Variants in ATP8B1 observed in about 807,000 individuals in gnomAD.
ATP8B1 encodes the protein ATPase phospholipid transporting 8B1, also known as phospholipid-transporting ATPase IC.
Under a neutral mutation model 149.9 loss-of-function variants are expected in ATP8B1, and 80 were observed. The observed-to-expected ratio is 0.53, with a 90% CI of 0.45 to 0.64. The LOEUF is 0.64. ATP8B1 is among the 30% of genes least tolerant of loss of function. The pLI is 0.00. For synonymous variants in ATP8B1, 536 were observed against 562.8 expected, an observed-to-expected ratio of 0.95 and a Z score of 0.67; for missense variants, 1,247 against 1,552.6, an observed-to-expected ratio of 0.80 and a Z score of 3.31.
At chr18:57,687,815 C>G (rs1046554651) in intron 13 of ATP8B1, among the ~76,000 whole-genome samples, 1 of 119,884 alleles carries the variant, frequency 8.3e-6, no homozygotes, top group East Asian at 2.7e-4. Context: ...GAGTCTTGCT[C>G]TCTCACCAGG....
At chr18:57,767,287 G>A (rs1311805101) in intron 1 of ATP8B1, among the ~76,000 whole-genome samples, 2 of 152,144 alleles carry the variant, frequency 1.3e-5, no homozygotes, top group Admixed American at 6.5e-5. Context: ...TCTAATTCTC[G>A]CATCATCTCA....
rs188973406 is a variant in ATP8B1, at chr18:57,670,586, G to A, written c.1932+882C>T. On this transcript the variant is annotated intron_variant, in intron 17 of 27. Transcript: ENST00000648908. ...AGGATGGTCTCGATCTGTTAACCTC[G>A]TGATCTGCCACCTCACCCTCCCAAA... Among the ~76,000 whole-genome samples the A allele has an allele frequency of 1.1e-3, 162 of 151,396 alleles. 2 individuals carry two copies. Among genetic ancestry groups the A allele is most frequent in the South Asian group, 2.3e-3 (11 of 4,762 alleles).
chr18:57,772,828 A>G (rs2080274738), intron 1 of ATP8B1, among the ~76,000 whole-genome samples: 1 of 152,152 alleles, frequency 6.6e-6, no homozygotes, highest in South Asian at 2.1e-4. Context: ...GGAAGAAGTG[A>G]GTTGGTTCCT....
intron 22 of ATP8B1, among the ~76,000 whole-genome samples, chr18:57,659,006 T>C (rs913465749): frequency 2.0e-5 from 3 of 152,172 alleles, no homozygotes; most frequent in African/African-American, 7.2e-5. Context: ...CCAGGTGAGG[T>C]GGCTCATGCC....
In ATP8B1 at chr18:57,668,448, C is replaced by T; in HGVS notation, c.2190G>A (p.Val730=). ...KLAKADIKIW[V]LTGDKKETAE... is the part of the protein sequence containing the mutation. ...AATTACCCTTTTTGTCTCCAGTAAGCACCCAGATCTTAATGTCAGCTTTTG... is the reference window on the plus strand; with the variant it reads ...AATTACCCTTTTTGTCTCCAGTAAGTACCCAGATCTTAATGTCAGCTTTTG... Residue 730 remains valine, a synonymous_variant, in exon 19 of 28, where the codon GTG becomes GTA. Coordinates refer to ENST00000648908, the MANE Select transcript of ATP8B1 (RefSeq NM_001374385.1). 6.2e-7 allele frequency: 1 copy of T among 1,608,890 alleles called. No individual in the cohort carries two copies. Among genetic ancestry groups the T allele is most frequent in the Non-Finnish European group, 8.5e-7 (1 of 1,176,498 alleles).
intron 1 of ATP8B1, among the ~76,000 whole-genome samples, chr18:57,797,649 G>A (rs1052203095): frequency 5.3e-5 from 8 of 151,412 alleles, no homozygotes; most frequent in African/African-American, 1.9e-4. Context: ...CATGCAAAGA[G>A]GGACAAGGTC....
chr18:57,716,730 T>C (rs1181093018), intron 2 of ATP8B1, among the ~76,000 whole-genome samples: 2 of 152,168 alleles, frequency 1.3e-5, no homozygotes, highest in Admixed American at 1.3e-4. Context: ...AGTAAAATAA[T>C]AGCTGGAGAC....
chr18:57,759,645 T>C (rs553688705), intron 1 of ATP8B1, among the ~76,000 whole-genome samples: 1 of 150,572 alleles, frequency 6.6e-6, no homozygotes, highest in East Asian at 2.0e-4. Flanking sequence ...CCATCTCTAC[T>C]AAAAATAAAA....
intron 1 of ATP8B1, among the ~76,000 whole-genome samples, chr18:57,761,122 A>T (rs1002145273): frequency 6.1e-5 from 3 of 48,926 alleles, no homozygotes; most frequent in African/African-American, 1.8e-4. Context: ...TATAAAATAA[A>T]ATAAAATAAA....
chr18:57,699,364 C>A (rs950455648), intron 6 of ATP8B1, among the ~76,000 whole-genome samples: 2 of 152,136 alleles, frequency 1.3e-5, no homozygotes, highest in Admixed American at 1.3e-4. Context: ...ATTTACAATT[C>A]TAGGATTAGG....
At position 57,672,925 on chromosome 18, in the gene ATP8B1, TATATATAA is replaced by T. The variant is rs1176382210; in HGVS notation, c.1820-1353_1820-1346del. On this transcript the variant is annotated intron_variant, in intron 16 of 27. Transcript: ENST00000648908. ...ATATATATATATATATATATATATA[TATATATAA>T]CATGTATATACACATATATACATAC... 5.7e-3 allele frequency among the ~76,000 whole-genome samples: 263 copies of T among 46,048 alleles called. 11 individuals are homozygous for T. The highest frequency in any genetic ancestry group is 0.016 in the African/African-American group (150 of 9,224). 30.2% of individuals were successfully genotyped at this position (46,048 alleles called of 152,430 possible). A position where few individuals can be genotyped will look rare whatever the true frequency, so the allele number is the denominator to read the frequency against.
intron 8 of ATP8B1, among the ~76,000 whole-genome samples, chr18:57,695,753 G>A (rs529813456): frequency 5.3e-5 from 8 of 152,270 alleles, no homozygotes; most frequent in African/African-American, 1.9e-4. Flanking sequence ...TCCCTTCACT[G>A]TTTGTTGTTG....
chr18:57,800,510 T>A (rs35313377), intron 1 of ATP8B1, among the ~76,000 whole-genome samples: 14,600 of 152,162 alleles, frequency 0.096, 797 homozygotes, highest in Middle Eastern at 0.14. Flanking sequence ...ATGTTGCTTA[T>A]AAAAAACTAA....
At position 57,802,671 on chromosome 18, in the gene ATP8B1, C is replaced by T. The variant is rs1048166466; in HGVS notation, c.-26+327G>A. 1.3e-5 allele frequency among the ~76,000 whole-genome samples: 2 copies of T among 152,242 alleles called. No individual in the cohort carries two copies. Among genetic ancestry groups the T allele is most frequent in the African/African-American group, 4.8e-5 (2 of 41,472 alleles). On this transcript the variant is annotated intron_variant, in intron 1 of 27. Transcript: ENST00000648908. This position sits in a 1 kb window ranked among gnomAD's most constrained non-coding sequence, Gnocchi z 4.9. ...GAGCCGCAAGCCCTACCTGGCTTAA[C>T]CCCCGGACATGTGTGTCGCTACCGA...
chr18:57,693,651 T>C (rs1444560599), intron 11 of ATP8B1, among the ~76,000 whole-genome samples: 1 of 151,998 alleles, frequency 6.6e-6, no homozygotes, highest in Admixed American at 6.6e-5. Context: ...GAGATTGCAG[T>C]GAGCCAAGAT....
intron 13 of ATP8B1, among the ~76,000 whole-genome samples, chr18:57,687,873 G>A (rs1208961283): frequency 2.1e-5 from 3 of 145,896 alleles, no homozygotes; most frequent in African/African-American, 7.6e-5. Context: ...TCTGCCTCCC[G>A]GGTTCAAGCA....
At chr18:57,679,803 T>C (rs566101660) in intron 15 of ATP8B1, among the ~76,000 whole-genome samples, 20 of 152,236 alleles carry the variant, frequency 1.3e-4, no homozygotes, top group Admixed American at 1.2e-3. Flanking sequence ...TAGCTGGGAC[T>C]ACAGGTGCCC....
At chr18:57,790,731 A>AT (rs910665965) in intron 1 of ATP8B1, among the ~76,000 whole-genome samples, 3 of 151,966 alleles carry the variant, frequency 2.0e-5, no homozygotes, top group South Asian at 2.1e-4. Flanking sequence ...TATTTTATTT[A>AT]TTTTTTTGAG....
chr18:57,667,208 T>TTTTTATTTTA (rs45454792), intron 19 of ATP8B1, 41 bp from the exon 20 acceptor site: 1 of 1,461,128 alleles, frequency 6.8e-7, no homozygotes, highest in African/African-American at 1.4e-5. Flanking sequence ...ATTCCTGCTG[T>TTTTTATTTTA]TTTTATTTTA....
Sources: allele counts gnomAD v4.1 joint callset (sites outside exome capture counted in the v4.1 genomes callset), GRCh38; gene constraint gnomAD v4.1.1; non-coding constraint Gnocchi (gnomAD v3.1); transcripts MANE v1.5; gene names NCBI Gene and HGNC (gene_info 2026-07-23, HGNC 2026-07-21).